Variants in CFAP61 observed in about 807,000 individuals in gnomAD.
The protein encoded by CFAP61 is cilia and flagella associated protein 61, also known as cilia- and flagella-associated protein 61.
A neutral mutation model predicts 135.6 loss-of-function variants in CFAP61; 107 were observed. The observed-to-expected ratio is 0.79, with a 90% CI of 0.67 to 0.93. CFAP61 has a LOEUF of 0.93. Among genes scored for constraint, CFAP61 ranks in the 40% least tolerant of loss-of-function variants. CFAP61 has a pLI of 0.00. For synonymous variants in CFAP61, 575 were observed against 578.5 expected (o/e 0.99, Z 0.09); for missense variants, 1,507 against 1,556.2 (o/e 0.97, Z 0.53).
intron 8 of CFAP61, among the ~76,000 whole-genome samples, chr20:20,123,971 G>GTTTTTTTTTTTTTTTTTTT (rs35528584): frequency 4.6e-5 from 3 of 65,264 alleles, no homozygotes; most frequent in African/African-American, 6.0e-5. Flanking sequence ...ATATTCCTAA[G>GTTTTTTTTTTTTTTTTTTT]TTTTTTTTTT....
At chr20:20,306,673 C>T (rs912234084) in intron 25 of CFAP61, among the ~76,000 whole-genome samples, 1 of 152,206 alleles carries the variant, frequency 6.6e-6, no homozygotes, top group African/African-American at 2.4e-5. Context: ...TAACTCTCCA[C>T]CAGGATTCCC....
intron 8 of CFAP61, among the ~76,000 whole-genome samples, chr20:20,105,968 G>A (rs1294577373): frequency 7.6e-6 from 1 of 131,402 alleles, no homozygotes; most frequent in Admixed American, 8.4e-5. Flanking sequence ...GCATATGAAG[G>A]CAACATCTTC....
chr20:20,106,141 G>GTCTA (rs1378295401), intron 8 of CFAP61, among the ~76,000 whole-genome samples: 1 of 150,790 alleles, frequency 6.6e-6, no homozygotes, highest in African/African-American at 2.4e-5. Flanking sequence ...CCTATACCCA[G>GTCTA]GCATCTCCAA....
chr20:20,312,707 C>T (rs1417928994), intron 25 of CFAP61, among the ~76,000 whole-genome samples: 3 of 152,126 alleles, frequency 2.0e-5, no homozygotes, highest in Non-Finnish European at 4.4e-5. Flanking sequence ...ACAAAAGACA[C>T]GGGCACATTC....
At chr20:20,143,450 T>C (rs912066851) in intron 9 of CFAP61, among the ~76,000 whole-genome samples, 3 of 152,106 alleles carry the variant, frequency 2.0e-5, no homozygotes, top group African/African-American at 7.2e-5. Flanking sequence ...ATGGATTAGA[T>C]TGATGGAAAT....
chr20:20,054,013 G>GTTTTTTTTT (rs1239349657), intron 1 of CFAP61, among the ~76,000 whole-genome samples: 4 of 59,084 alleles, frequency 6.8e-5, no homozygotes, highest in African/African-American at 1.2e-4. Context: ...TTTTTTGTTT[G>GTTTTTTTTT]TTTTTTTTTT....
intron 3 of CFAP61, 21 bp from the exon 4 acceptor site, chr20:20,074,281 G>C: frequency 1.2e-6 from 2 of 1,609,404 alleles, no homozygotes; most frequent in Non-Finnish European, 1.7e-6. Flanking sequence ...CCTTTAATCC[G>C]TGTTCTCTCT....
At chr20:20,115,804 T>C (rs1260723612) in intron 8 of CFAP61, among the ~76,000 whole-genome samples, 1 of 152,246 alleles carries the variant, frequency 6.6e-6, no homozygotes, top group East Asian at 1.9e-4. Flanking sequence ...TATTCGATTG[T>C]GTATATATAC....
intron 9 of CFAP61, among the ~76,000 whole-genome samples, chr20:20,147,398 A>C (rs180904898): frequency 6.6e-6 from 1 of 152,296 alleles, no homozygotes; most frequent in Admixed American, 6.5e-5. Context: ...CCACATCCAC[A>C]CCAACATCTA....
At chr20:20,230,485 A>G (rs1215936877) in intron 18 of CFAP61, among the ~76,000 whole-genome samples, 2 of 152,218 alleles carry the variant, frequency 1.3e-5, no homozygotes, top group Non-Finnish European at 2.9e-5. Flanking sequence ...CTGACCACCA[A>G]TGAGGATTGA....
At chr20:20,253,174 C>CTT (rs1428744373) in intron 20 of CFAP61, 10 of 150,536 alleles carry the variant, frequency 6.6e-5, no homozygotes, top group African/African-American at 2.5e-4. Flanking sequence ...CTTTCCTTTT[C>CTT]TTCCTTCCTT....
chr20:20,179,122 G>A (rs2054857644), intron 13 of CFAP61, among the ~76,000 whole-genome samples: 1 of 152,086 alleles, frequency 6.6e-6, no homozygotes, highest in Non-Finnish European at 1.5e-5. Flanking sequence ...CCCATGTCTT[G>A]AAAATCTCAT....
intron 8 of CFAP61, among the ~76,000 whole-genome samples, chr20:20,113,863 A>G (rs1600721191): frequency 6.6e-6 from 1 of 150,704 alleles, no homozygotes; most frequent in East Asian, 2.0e-4. Flanking sequence ...CCATAGACTT[A>G]TGATAAATCT....
intron 13 of CFAP61, among the ~76,000 whole-genome samples, chr20:20,185,750 G>A (rs1284679027): frequency 6.6e-6 from 1 of 152,178 alleles, no homozygotes; most frequent in Non-Finnish European, 1.5e-5. Context: ...CAATATGATG[G>A]TGAATTTCAA....
Position 20,359,829 on chromosome 20 carries a change from C to T in CFAP61, c.3514-381C>T. On this transcript the variant is annotated intron_variant, in intron 26 of 26. Coordinates refer to ENST00000245957, the MANE Select transcript of CFAP61 (RefSeq NM_015585.4). This position sits in a 1 kb window ranked among gnomAD's most constrained non-coding sequence, Gnocchi z 4.0. Reference sequence around the variant, plus strand: ...AAAAAAAGTACTACAGGGTTCCACTCATATGAGATGCCTGCGTAGTCACAT... The same window carrying T: ...AAAAAAAGTACTACAGGGTTCCACTTATATGAGATGCCTGCGTAGTCACAT... 6.6e-6 allele frequency among the ~76,000 whole-genome samples: 1 copy of T among 152,180 alleles called. No individual in the cohort carries two copies. The highest frequency in any genetic ancestry group is 1.9e-4 in the East Asian group (1 of 5,196).
At chr20:20,134,714 G>C (rs999116146) in intron 8 of CFAP61, among the ~76,000 whole-genome samples, 2 of 152,138 alleles carry the variant, frequency 1.3e-5, no homozygotes, top group African/African-American at 4.8e-5. Flanking sequence ...GACTATCAAG[G>C]ATGATTTCAG....
chr20:20,354,429 G>A (rs542847351), intron 26 of CFAP61, among the ~76,000 whole-genome samples: 2 of 151,538 alleles, frequency 1.3e-5, no homozygotes, highest in Non-Finnish European at 2.9e-5. Context: ...CTTGCACCCA[G>A]GAGGCAGAGG....
chr20:20,120,326 T>A (rs1043728761), intron 8 of CFAP61, among the ~76,000 whole-genome samples: 1 of 152,334 alleles, frequency 6.6e-6, no homozygotes, highest in South Asian at 2.1e-4. Context: ...GATTTTGGTA[T>A]GTTGTATTTC....
chr20:20,301,392 A>C (rs2056085022), intron 25 of CFAP61, among the ~76,000 whole-genome samples: 1 of 152,172 alleles, frequency 6.6e-6, no homozygotes. Context: ...AGGTTTGTGT[A>C]AGTGCACTCT....
Sources: gnomAD v4.1 joint callset for allele counts (sites outside exome capture counted in the v4.1 genomes callset) on GRCh38, gnomAD v4.1.1 for gene constraint, Gnocchi (gnomAD v3.1) non-coding constraint, MANE v1.5 for transcripts, NCBI Gene and HGNC (gene_info 2026-07-23, HGNC 2026-07-21) for gene names.